Variants in ZNF415 observed in about 807,000 individuals in gnomAD.
ZNF415 encodes the protein zinc finger protein 415.
Under a neutral mutation model 7.3 loss-of-function variants are expected in ZNF415, and 5 were observed. The observed-to-expected ratio is 0.69, with a 90% CI of 0.36 to 1.44. ZNF415 has a LOEUF of 1.44. ZNF415 is among the 40% of genes most tolerant of loss of function. ZNF415 has a pLI of 0.04. For synonymous variants in ZNF415, 207 were observed against 226.3 expected (o/e 0.91, Z 0.77); for missense variants, 628 against 664.8 (o/e 0.94, Z 0.61).
At chr19:53,122,856 G>T in intron 1 of ZNF415, 113 bp from the exon 2 acceptor site, 1 of 766,724 alleles carries the variant, frequency 1.3e-6, no homozygotes, top group Non-Finnish European at 2.1e-6. Flanking sequence ...ACGGTCCTCT[G>T]CCGCCCACTA....
chr19:53,114,093 A>T (rs1407690963), intron 3 of ZNF415, among the ~76,000 whole-genome samples: 1 of 152,226 alleles, frequency 6.6e-6, no homozygotes, highest in Admixed American at 6.5e-5. Flanking sequence ...AAGAGACTCC[A>T]GGAGAAGGTA....
Position 53,116,372 on chromosome 19 carries a change from G to A in ZNF415, c.77C>T (p.Thr26Ile), listed in dbSNP as rs1225627559. 2.5e-6 allele frequency: 4 copies of A among 1,613,958 alleles called. No individual in the cohort carries two copies. Among genetic ancestry groups the A allele is most frequent in the Non-Finnish European group, 1.7e-6 (2 of 1,179,994 alleles). The change falls in exon 3 of 4, where the codon ACA (threonine) becomes ATA (isoleucine). Residue 26 changes from threonine (T) to isoleucine (I), a missense_variant. Thr to Ile is a moderately conservative substitution (Grantham distance 89, BLOSUM62 -1). Coordinates refer to ENST00000243643, the MANE Select transcript of ZNF415 (RefSeq NM_018355.4). ...SQDEWKCLNS[T>I]QRTLYRDVML... Reference sequence around the variant, plus strand: ...CACATCCCTGTATAAAGTCCTCTGTGTAGAGTTCAGGCATTTCCACTCATC... The same window carrying A: ...CACATCCCTGTATAAAGTCCTCTGTATAGAGTTCAGGCATTTCCACTCATC...
intron 3 of ZNF415, among the ~76,000 whole-genome samples, chr19:53,111,184 TA>T (rs2086178938): frequency 1.3e-5 from 2 of 152,018 alleles, no homozygotes; most frequent in Non-Finnish European, 2.9e-5. Context: ...GGACAAAACA[TA>T]AGAGCTTGTT....
rs2089637546 is a variant in ZNF415 at position 53,128,807 on chromosome 19, T to A, written c.-68+4049A>T. Among the ~76,000 whole-genome samples, 2 of 107,044 alleles carry A rather than the reference T, an allele frequency of 1.9e-5. 1 individual carries two copies. 70.2% of individuals were successfully genotyped at this position (107,044 alleles called of 152,430 possible). On this transcript the variant is annotated intron_variant, in intron 1 of 3. Coordinates refer to ENST00000243643, the MANE Select transcript of ZNF415 (RefSeq NM_018355.4). ...ACCATCCTCACTACCCGCCCTGTCC[T>A]TTTGGTCTTCCCTGAGGAGTCTTCA...
chr19:53,126,061 T>C (rs1601284986), intron 1 of ZNF415, among the ~76,000 whole-genome samples: 2 of 148,538 alleles, frequency 1.3e-5, no homozygotes, highest in African/African-American at 4.9e-5. Context: ...GAGTATTTGT[T>C]GAATAAATGA....
chr19:53,112,671 C>CA (rs2086404828), intron 3 of ZNF415, among the ~76,000 whole-genome samples: 1 of 152,102 alleles, frequency 6.6e-6, no homozygotes, highest in Admixed American at 6.5e-5. Context: ...CCATGCAGAT[C>CA]AAGGTATCAT....
chr19:53,110,413 C>T (rs952101144), intron 3 of ZNF415, among the ~76,000 whole-genome samples: 2 of 152,014 alleles, frequency 1.3e-5, no homozygotes, highest in Non-Finnish European at 2.9e-5. Context: ...AGTAATAGCA[C>T]TGAGAAAACG....
Position 53,109,010 on chromosome 19 carries a change from G to A in ZNF415, c.1035C>T (p.Asn345=), listed in dbSNP as rs1600983213. 4 of 1,613,952 alleles carry A rather than the reference G, an allele frequency of 2.5e-6. No homozygotes were observed. The East Asian group carries it at 6.7e-5, about 27-fold the overall frequency. The change falls in exon 4 of 4, where the codon AAC becomes AAT. Residue 345 remains asparagine, a synonymous_variant. Coordinates refer to ENST00000243643, the MANE Select transcript of ZNF415 (RefSeq NM_018355.4). ...TCTTGCCACTATGAATTACCTGATG[G>A]TTGGTAAGTGTTGACCTCACACTAA... ...KAFSVRSTLT[N]HQVIHSGKKP... is the part of the protein sequence containing the mutation.
At chr19:53,127,291 T>C (rs1478212605) in intron 1 of ZNF415, among the ~76,000 whole-genome samples, 1 of 152,178 alleles carries the variant, frequency 6.6e-6, no homozygotes, top group Non-Finnish European at 1.5e-5. Context: ...ACTCCCCAGA[T>C]AGTCCATAAA....
intron 1 of ZNF415, among the ~76,000 whole-genome samples, chr19:53,129,902 A>T (rs1209488637): frequency 6.6e-6 from 1 of 152,028 alleles, no homozygotes; most frequent in Non-Finnish European, 1.5e-5. Context: ...CATCTCTATC[A>T]AAAAACACAA....
At chr19:53,123,288 C>T (rs182810508) in intron 1 of ZNF415, among the ~76,000 whole-genome samples, 1 of 152,242 alleles carries the variant, frequency 6.6e-6, no homozygotes, top group Non-Finnish European at 1.5e-5. Flanking sequence ...TAGCCCCCAC[C>T]TTCTGACTCT....
At chr19:53,114,678 G>A (rs1241524852) in intron 3 of ZNF415, among the ~76,000 whole-genome samples, 2 of 152,138 alleles carry the variant, frequency 1.3e-5, no homozygotes, top group African/African-American at 4.8e-5. Flanking sequence ...AGACTAAGAC[G>A]TACTCCCTGT....
At position 53,108,328 on chromosome 19, in the gene ZNF415, T is replaced by G; in HGVS notation, c.*49A>C. The G allele has an allele frequency of 6.6e-7, 1 of 1,517,892 alleles. No homozygotes were observed. Among genetic ancestry groups the G allele is most frequent in the Non-Finnish European group, 8.8e-7 (1 of 1,130,324 alleles). 94.0% of individuals were successfully genotyped at this position (1,517,892 alleles called of 1,614,324 possible). The stretch of plus-strand genomic sequence containing the variant: ...TTGTATGGTTTCTCTCTGATATAAA[T>G]TCTTTGATGACTCACAGGATTTAAA... On this transcript the variant is annotated 3_prime_UTR_variant, in exon 4 of 4. Coordinates refer to ENST00000243643, the MANE Select transcript of ZNF415 (RefSeq NM_018355.4).
intron 3 of ZNF415, chr19:53,115,622 C>T (rs746412219): frequency 9.4e-7 from 1 of 1,066,372 alleles, no homozygotes; most frequent in Non-Finnish European, 1.4e-6. Flanking sequence ...CATTTGTTTT[C>T]CTACAGAACT....
chr19:53,127,601 G>A (rs565204938), intron 1 of ZNF415, among the ~76,000 whole-genome samples: 8 of 152,242 alleles, frequency 5.3e-5, no homozygotes, highest in African/African-American at 1.4e-4. Context: ...CTGATCGGCC[G>A]GGCGTGGTGG....
chr19:53,116,601 T>A (rs952023571), intron 2 of ZNF415, among the ~76,000 whole-genome samples, 168 bp from the exon 3 acceptor site: 1 of 95,342 alleles, frequency 1.0e-5, no homozygotes, highest in Non-Finnish European at 2.1e-5. Flanking sequence ...CTAATTGTGG[T>A]TTTTTTTCTC....
At chr19:53,113,099 A>AG (rs398121086) in intron 3 of ZNF415, among the ~76,000 whole-genome samples, 3 of 150,936 alleles carry the variant, frequency 2.0e-5, no homozygotes, top group African/African-American at 7.3e-5. Flanking sequence ...AAAAAAAAAA[A>AG]GTATCATAAA....
chr19:53,124,886 A>T (rs57441999), intron 1 of ZNF415, among the ~76,000 whole-genome samples: 6,029 of 151,738 alleles, frequency 0.04, 415 homozygotes, highest in African/African-American at 0.14. Context: ...GAATTAAATG[A>T]CACCAGGAAT....
intron 1 of ZNF415, among the ~76,000 whole-genome samples, chr19:53,127,228 T>TC (rs2089294297): frequency 6.6e-6 from 1 of 150,562 alleles, no homozygotes; most frequent in Non-Finnish European, 1.5e-5. Flanking sequence ...ATTCTTAGGA[T>TC]CCCCGTTGCC....
Sources: allele counts gnomAD v4.1 joint callset (sites outside exome capture counted in the v4.1 genomes callset), GRCh38; gene constraint gnomAD v4.1.1; transcripts MANE v1.5; gene names NCBI Gene and HGNC (gene_info 2026-07-23, HGNC 2026-07-21).